Variants in CHLSN observed in about 807,000 individuals in gnomAD.
CHLSN encodes the protein protein cholesin.
chr7:1,096,197 T>C, the CHLSN span, among the ~76,000 whole-genome samples: 1 of 152,090 alleles, frequency 6.6e-6, no homozygotes, highest in Non-Finnish European at 1.5e-5. This position sits in a 1 kb window ranked among gnomAD's most constrained non-coding sequence, Gnocchi z 4.6. Context: ...CTCCGCCAGG[T>C]CTCTTCTGGG....
the CHLSN span, among the ~76,000 whole-genome samples, chr7:1,060,728 A>C: frequency 6.6e-6 from 1 of 152,168 alleles, no homozygotes. Context: ...TGTTTCTGTC[A>C]GTGTTTGGTT....
the CHLSN span, among the ~76,000 whole-genome samples, chr7:1,124,809 G>A: frequency 1.3e-5 from 2 of 152,046 alleles, no homozygotes; most frequent in Non-Finnish European, 2.9e-5. Context: ...TGCGGAGGAG[G>A]AGCCGAAATT....
the CHLSN span, chr7:1,025,357 G>C: frequency 1.3e-5 from 2 of 152,566 alleles, no homozygotes; most frequent in African/African-American, 4.8e-5. Context: ...TGAGCCTATA[G>C]GGCACAGGAA....
At chr7:993,169 G>C in the CHLSN span, among the ~76,000 whole-genome samples, 25,793 of 152,184 alleles carry the variant, frequency 0.17, 2,568 homozygotes, top group Admixed American at 0.22. Flanking sequence ...GTGCTTCTGA[G>C]GTCCCAGTGG....
chr7:1,072,564 G>A, the CHLSN span, among the ~76,000 whole-genome samples: 1 of 152,208 alleles, frequency 6.6e-6, no homozygotes, highest in South Asian at 2.1e-4. Context: ...CGGTCTGTGG[G>A]CTGAAGTTAC....
chr7:1,018,535 T>G, the CHLSN span, among the ~76,000 whole-genome samples: 1 of 151,714 alleles, frequency 6.6e-6, no homozygotes. Flanking sequence ...CCGCACTTCC[T>G]GCCCAGTGGG....
the CHLSN span, among the ~76,000 whole-genome samples, chr7:1,068,886 A>G: frequency 6.6e-6 from 1 of 152,120 alleles, no homozygotes; most frequent in African/African-American, 2.4e-5. Context: ...CCGACAACCA[A>G]TAGGTGATGT....
At chr7:1,112,718 A>G in the CHLSN span, among the ~76,000 whole-genome samples, 9 of 151,986 alleles carry the variant, frequency 5.9e-5, no homozygotes, top group South Asian at 2.1e-4. Context: ...AAAAAAAAAA[A>G]AAAAAGAAAA....
the CHLSN span, chr7:1,092,436 C>T: frequency 6.2e-7 from 1 of 1,608,598 alleles, no homozygotes; most frequent in South Asian, 1.1e-5. Context: ...GCTACTCCCT[C>T]ATTGTCCGGG....
At chr7:1,015,470 C>T in the CHLSN span, among the ~76,000 whole-genome samples, 1 of 152,236 alleles carries the variant, frequency 6.6e-6, no homozygotes, top group African/African-American at 2.4e-5. Context: ...CCACAGGCAT[C>T]CACGCCGCTC....
chr7:987,271 G>A, the CHLSN span: 15 of 1,504,970 alleles, frequency 1.0e-5, no homozygotes, highest in Admixed American at 8.3e-5. Flanking sequence ...CTGGCGAGAC[G>A]GCTCCTTCTG....
At chr7:1,092,056 G>A in the CHLSN span, 1 of 1,614,006 alleles carries the variant, frequency 6.2e-7, no homozygotes, top group Admixed American at 1.7e-5. Context: ...CATCCTGGTG[G>A]CCGACTCCCT....
At chr7:1,070,362 T>G in the CHLSN span, among the ~76,000 whole-genome samples, 5 of 113,346 alleles carry the variant, frequency 4.4e-5, no homozygotes, top group African/African-American at 9.6e-5. Flanking sequence ...GGTGGGGGGG[T>G]CAGCCCCCCG....
At chr7:1,136,577 C>CATAT in the CHLSN span, among the ~76,000 whole-genome samples, 41 of 128,262 alleles carry the variant, frequency 3.2e-4, no homozygotes, top group East Asian at 8.0e-3. Context: ...TAAACATAAA[C>CATAT]ATATATAAAC....
the CHLSN span, chr7:988,925 C>G: frequency 1.4e-6 from 1 of 733,302 alleles, no homozygotes; most frequent in South Asian, 1.9e-5. Flanking sequence ...TCTGGGAGGG[C>G]CCTGAGGACT....
the CHLSN span, among the ~76,000 whole-genome samples, chr7:1,102,290 G>C: frequency 6.6e-6 from 1 of 152,260 alleles, no homozygotes; most frequent in South Asian, 2.1e-4. Context: ...TGGGCCCAGC[G>C]GCAGTGGCAG....
chr7:1,059,714 TTA>T, the CHLSN span, among the ~76,000 whole-genome samples: 10 of 33,078 alleles, frequency 3.0e-4, no homozygotes, highest in African/African-American at 1.1e-3. Context: ...GAGGTGGGTC[TTA>T]GCGGGGCGGG....
chr7:1,099,081 G>A, the CHLSN span, among the ~76,000 whole-genome samples: 4 of 152,154 alleles, frequency 2.6e-5, no homozygotes, highest in East Asian at 3.9e-4. Flanking sequence ...TCACTGTCAC[G>A]TTCTTGCAGC....
chr7:1,083,346 C>T, the CHLSN span, among the ~76,000 whole-genome samples: 3 of 152,130 alleles, frequency 2.0e-5, no homozygotes, highest in Non-Finnish European at 4.4e-5. Flanking sequence ...GAGTGTGGGC[C>T]GGGCGCGGTG....
Sources: allele counts gnomAD v4.1 joint callset (sites outside exome capture counted in the v4.1 genomes callset), GRCh38; gene constraint gnomAD v4.1.1; non-coding constraint Gnocchi (gnomAD v3.1); transcripts MANE v1.5; gene names NCBI Gene and HGNC (gene_info 2026-07-23, HGNC 2026-07-21).